The following RSPH14 variants were observed in gnomAD, a reference collection of about 807,000 sequenced individuals.
The protein encoded by RSPH14 is radial spoke head 14 homolog.
A neutral mutation model predicts 26.7 loss-of-function variants in RSPH14; 20 were observed. The ratio of observed to expected loss-of-function variants is 0.75; its 90% CI spans 0.53 to 1.09. The LOEUF (loss-of-function observed/expected upper bound fraction) is 1.09, where lower values mean the gene tolerates loss of function less well. Ranked by LOEUF, RSPH14 falls within the 50% of genes least tolerant of loss-of-function variation. The pLI, the probability that RSPH14 is intolerant of heterozygous loss-of-function variation, is 0.00. For synonymous variants in RSPH14, 177 were observed against 189.3 expected, an observed-to-expected ratio of 0.93 and a Z score of 0.53; for missense variants, 449 against 457.2, an observed-to-expected ratio of 0.98 and a Z score of 0.16.
upstream of RSPH14, among the ~76,000 whole-genome samples, chr22:23,148,568 C>T (rs953539921): frequency 3.3e-5 from 5 of 152,210 alleles, no homozygotes; most frequent in African/African-American, 1.2e-4. Context: ...GCATTCTCCC[C>T]TCCTGCCCAT....
chr22:23,074,178 C>T (rs2068449498), intron 4 of RSPH14, among the ~76,000 whole-genome samples: 1 of 151,634 alleles, frequency 6.6e-6, no homozygotes, highest in Non-Finnish European at 1.5e-5. Context: ...CTGGAGCTGC[C>T]CTCCCAGGAG....
intron 4 of RSPH14, among the ~76,000 whole-genome samples, chr22:23,130,022 AAG>A (rs1447950766): frequency 1.3e-5 from 2 of 150,566 alleles, no homozygotes; most frequent in African/African-American, 4.9e-5. Context: ...AAAAGAAGGA[AAG>A]AAAGAAAGGG....
intron 4 of RSPH14, among the ~76,000 whole-genome samples, chr22:23,078,661 C>T (rs1197222455): frequency 6.6e-6 from 1 of 152,258 alleles, no homozygotes; most frequent in African/African-American, 2.4e-5. Flanking sequence ...GCTGCAGCCC[C>T]AGGCTCTGGG....
intron 4 of RSPH14, among the ~76,000 whole-genome samples, chr22:23,133,492 ACT>A (rs1432704637): frequency 1.3e-5 from 2 of 152,034 alleles, no homozygotes; most frequent in African/African-American, 4.8e-5. Flanking sequence ...GGTGGTAAAT[ACT>A]CTCTACATGT....
intron 4 of RSPH14, among the ~76,000 whole-genome samples, chr22:23,114,175 G>A (rs374252137): frequency 7.2e-5 from 11 of 152,324 alleles, no homozygotes; most frequent in African/African-American, 2.4e-4. Flanking sequence ...CTGGGTGGCC[G>A]CAGGGCTGGC....
the RSPH14 span, among the ~76,000 whole-genome samples, chr22:23,167,420 G>A: frequency 6.6e-6 from 1 of 152,134 alleles, no homozygotes; most frequent in Non-Finnish European, 1.5e-5. Flanking sequence ...GTTGCTCTCA[G>A]CATCTTTCAA....
chr22:23,093,937 C>T (rs1256644131), intron 4 of RSPH14, among the ~76,000 whole-genome samples: 2 of 152,160 alleles, frequency 1.3e-5, no homozygotes, highest in Non-Finnish European at 2.9e-5. Flanking sequence ...ATCGCCAGGA[C>T]TAGTGGTCAA....
intron 4 of RSPH14, among the ~76,000 whole-genome samples, chr22:23,087,232 G>A (rs1042478038): frequency 6.6e-6 from 1 of 152,202 alleles, no homozygotes; most frequent in African/African-American, 2.4e-5. Flanking sequence ...TTGGGAGGCT[G>A]AGGCAGGAGG....
chr22:23,106,762 C>T (rs1001910100), intron 4 of RSPH14, among the ~76,000 whole-genome samples: 4 of 152,244 alleles, frequency 2.6e-5, no homozygotes, highest in East Asian at 1.9e-4. Flanking sequence ...CCTCCCAGCC[C>T]GAAGGGGCTC....
At chr22:23,109,813 C>CA (rs2069595094) in intron 4 of RSPH14, among the ~76,000 whole-genome samples, 1 of 152,200 alleles carries the variant, frequency 6.6e-6, no homozygotes, top group South Asian at 2.1e-4. Context: ...AGAGAAGGCT[C>CA]AGAGCATAGG....
chr22:23,172,987 A>G, the RSPH14 span, among the ~76,000 whole-genome samples: 1 of 115,530 alleles, frequency 8.7e-6, no homozygotes, highest in Non-Finnish European at 1.8e-5. Flanking sequence ...GGAATCATAC[A>G]GTATGTAGCC....
chr22:23,095,989 C>G (rs148603348), intron 4 of RSPH14: 4 of 1,609,846 alleles, frequency 2.5e-6, no homozygotes, highest in Non-Finnish European at 3.4e-6. Flanking sequence ...TCCACAACCC[C>G]GACCGCGCCT....
At chr22:23,153,200 G>A in the RSPH14 span, 1 of 1,229,774 alleles carries the variant, frequency 8.1e-7, no homozygotes, top group Admixed American at 1.7e-5. Flanking sequence ...AGGATTTGGG[G>A]AGCTCCTTCA....
At chr22:23,180,059 G>C in the RSPH14 span, 2 of 348,616 alleles carry the variant, frequency 5.7e-6, no homozygotes, top group Non-Finnish European at 1.1e-5. Context: ...GGGGCAGAGG[G>C]GGGAGGTTGC....
intron 4 of RSPH14, among the ~76,000 whole-genome samples, chr22:23,132,348 C>T (rs1012763536): frequency 5.9e-5 from 9 of 152,120 alleles, no homozygotes; most frequent in African/African-American, 1.9e-4. Context: ...TTGCATCATG[C>T]GACCAGGCAG....
intron 4 of RSPH14, among the ~76,000 whole-genome samples, chr22:23,090,490 A>G (rs1434828376): frequency 6.6e-6 from 1 of 152,136 alleles, no homozygotes; most frequent in East Asian, 1.9e-4. Flanking sequence ...CACACAGGGC[A>G]GGTCATGGCA....
chr22:23,157,601 A>G, the RSPH14 span, among the ~76,000 whole-genome samples: 4 of 152,330 alleles, frequency 2.6e-5, no homozygotes, highest in Non-Finnish European at 5.9e-5. Flanking sequence ...TAATCCTCAC[A>G]GCAACCCTGA....
At chr22:23,179,645 T>C in the RSPH14 span, 2 of 154,028 alleles carry the variant, frequency 1.3e-5, no homozygotes, top group South Asian at 2.1e-4. Flanking sequence ...GGTGTGGGTA[T>C]TGAGTGACCT....
At chr22:23,085,340 T>C (rs529495801) in intron 4 of RSPH14, among the ~76,000 whole-genome samples, 11 of 152,140 alleles carry the variant, frequency 7.2e-5, no homozygotes, top group Admixed American at 3.3e-4. Context: ...CAGACTCAGC[T>C]TGTTCCCCAC....
Sources: gnomAD v4.1 joint callset for allele counts (sites outside exome capture counted in the v4.1 genomes callset) on GRCh38, gnomAD v4.1.1 for gene constraint, MANE v1.5 for transcripts, NCBI Gene and HGNC (gene_info 2026-07-23, HGNC 2026-07-21) for gene names.